The following PPP6R3 variants were observed in gnomAD, a reference collection of about 807,000 sequenced individuals.
PPP6R3 encodes the protein serine/threonine-protein phosphatase 6 regulatory subunit 3.
A neutral mutation model predicts 110.7 loss-of-function variants in PPP6R3; 38 were observed. That is an observed-to-expected ratio of 0.34 (90% CI 0.26 to 0.45). The LOEUF (loss-of-function observed/expected upper bound fraction) is 0.45. PPP6R3 is among the 20% of genes least tolerant of loss of function. The pLI, the probability that PPP6R3 is intolerant of heterozygous loss-of-function variation, is 1.00. For missense variants in PPP6R3, 870 were observed against 1,062.4 expected (o/e 0.82, Z 2.52); for synonymous variants, 369 against 373.5 (o/e 0.99, Z 0.14).
chr11:68,561,216 A>G (rs1447838386), intron 8 of PPP6R3, among the ~76,000 whole-genome samples: 1 of 152,152 alleles, frequency 6.6e-6, no homozygotes, highest in Non-Finnish European at 1.5e-5. Flanking sequence ...TAAATGATAT[A>G]TGTTAAGCTG....
chr11:68,518,981 T>C (rs2099150618), intron 1 of PPP6R3, among the ~76,000 whole-genome samples: 1 of 152,224 alleles, frequency 6.6e-6, no homozygotes, highest in Non-Finnish European at 1.5e-5. Flanking sequence ...TTCTATTCTT[T>C]TCATGTGCAG....
intron 1 of PPP6R3, among the ~76,000 whole-genome samples, chr11:68,509,655 A>C (rs1428324113): frequency 6.6e-6 from 1 of 151,486 alleles, no homozygotes; most frequent in Non-Finnish European, 1.5e-5. Flanking sequence ...CCTATCACCC[A>C]GGTTGGAGTG....
In PPP6R3 at chr11:68,477,739, AAAATATATAT is replaced by A. The variant is rs1201528997; in HGVS notation, c.-158+16914_-158+16923del. 5.7e-4 allele frequency among the ~76,000 whole-genome samples: 46 copies of A among 80,400 alleles called. 1 individual carries two copies. Among genetic ancestry groups the A allele is most frequent in the South Asian group, 1.7e-3 (4 of 2,338 alleles). The allele number at this position is 80,400 out of a possible 152,430, so 52.7% of individuals were successfully genotyped here. On this transcript the variant is annotated intron_variant, in intron 1 of 23. Transcript: ENST00000393800. ...GAGACATTGTCTCTTAAAAAAAAAA[AAAATATATAT>A]ATATATATATATATATATATATAAT... is the stretch of plus-strand genomic sequence containing the variant.
intron 1 of PPP6R3, among the ~76,000 whole-genome samples, chr11:68,499,986 C>CT (rs1279415391): frequency 2.0e-5 from 3 of 152,062 alleles, no homozygotes; most frequent in Non-Finnish European, 1.5e-5. Flanking sequence ...CTCATTCTGT[C>CT]TTTTGAGGTG....
chr11:68,576,183 A>G, intron 14 of PPP6R3, 140 bp downstream of exon 14: 1 of 607,766 alleles, frequency 1.6e-6, no homozygotes, highest in Non-Finnish European at 2.8e-6. Context: ...CCAGGGAGAG[A>G]GGTCAGTATT....
intron 1 of PPP6R3, among the ~76,000 whole-genome samples, chr11:68,489,506 C>A (rs118049336): frequency 0.01 from 1,540 of 151,018 alleles, 10 homozygotes; most frequent in African/African-American, 0.012. Flanking sequence ...TATTATACCT[C>A]GTTTTATTGT....
chr11:68,545,936 G>T (rs576991017), intron 4 of PPP6R3, among the ~76,000 whole-genome samples: 8 of 152,320 alleles, frequency 5.3e-5, no homozygotes, highest in African/African-American at 1.2e-4. Context: ...GATGATACGG[G>T]GCAAAAGTGG....
intron 1 of PPP6R3, among the ~76,000 whole-genome samples, chr11:68,477,737 AAAAAATATATAT>A (rs1176169433): frequency 7.7e-5 from 5 of 64,556 alleles, no homozygotes; most frequent in African/African-American, 2.4e-4. Flanking sequence ...TTAAAAAAAA[AAAAAATATATAT>A]ATATATATAT....
chr11:68,557,507 CTTTTTCTTTTTTTTCTTTTTTCTTTTT>C (rs958305900), intron 7 of PPP6R3, among the ~76,000 whole-genome samples: 1 of 149,622 alleles, frequency 6.7e-6, no homozygotes, highest in Non-Finnish European at 1.5e-5. Flanking sequence ...TTTTTCTTTT[CTTTTTCTTTTTTTTCTTTTTTCTTTTT>C]TTGAGGTGGA....
Position 68,572,140 on chromosome 11 carries a change from C to G in PPP6R3, c.1343+1036C>G, listed in dbSNP as rs189591837. ...AGTATTGGTAGACCTCAGATACATT[C>G]TTCCAAATGGAGCTCTTTGGAGATG... On this transcript the variant is annotated intron_variant, in intron 12 of 23. Coordinates refer to ENST00000393800, the MANE Select transcript of PPP6R3 (RefSeq NM_001164161.2). 9.2e-5 allele frequency among the ~76,000 whole-genome samples: 14 copies of G among 152,224 alleles called. No homozygotes were observed. In the East Asian group the frequency reaches 1.5e-3, roughly 17 times the overall value.
chr11:68,561,089 C>T (rs545652258), intron 8 of PPP6R3, among the ~76,000 whole-genome samples: 4 of 152,030 alleles, frequency 2.6e-5, no homozygotes, highest in East Asian at 1.9e-4. Flanking sequence ...TTAGTAGAGA[C>T]GGGGTTTCAC....
chr11:68,544,468 G>A (rs540351161), intron 3 of PPP6R3, among the ~76,000 whole-genome samples: 2 of 152,320 alleles, frequency 1.3e-5, no homozygotes, highest in Admixed American at 1.3e-4. Context: ...CGCAAGCTTT[G>A]CTGCTTCCCA....
chr11:68,563,935 C>A (rs2099442366), intron 8 of PPP6R3, among the ~76,000 whole-genome samples: 1 of 151,972 alleles, frequency 6.6e-6, no homozygotes, highest in Non-Finnish European at 1.5e-5. Context: ...TTAATAACAC[C>A]CCAAACTGGC....
intron 12 of PPP6R3, among the ~76,000 whole-genome samples, chr11:68,571,736 G>A (rs1402720478): frequency 6.6e-6 from 1 of 152,152 alleles, no homozygotes; most frequent in African/African-American, 2.4e-5. Flanking sequence ...GGGCGTGTTT[G>A]GGAAACACTC....
At chr11:68,548,347 A>G (rs2099357391) in intron 5 of PPP6R3, 143 bp downstream of exon 5, 4 of 1,119,084 alleles carry the variant, frequency 3.6e-6, no homozygotes, top group Non-Finnish European at 3.7e-6. Context: ...AGGGTGGGGA[A>G]GAAAGGTTGT....
intron 1 of PPP6R3, among the ~76,000 whole-genome samples, chr11:68,473,688 G>T (rs543911104): frequency 6.6e-6 from 1 of 152,188 alleles, no homozygotes; most frequent in Admixed American, 6.5e-5. Flanking sequence ...GAATTGAATT[G>T]GAGGACACCC....
At chr11:68,474,324 G>T (rs562020148) in intron 1 of PPP6R3, among the ~76,000 whole-genome samples, 1 of 152,140 alleles carries the variant, frequency 6.6e-6, no homozygotes, top group Admixed American at 6.5e-5. Context: ...GGGATTACAG[G>T]CATGTGCCAC....
At chr11:68,538,329 G>A (rs962510848) in intron 3 of PPP6R3, among the ~76,000 whole-genome samples, 1 of 152,110 alleles carries the variant, frequency 6.6e-6, no homozygotes, top group Non-Finnish European at 1.5e-5. Flanking sequence ...GGTACCATGG[G>A]TAACTACAGT....
intron 9 of PPP6R3, 130 bp from the exon 10 acceptor site, chr11:68,566,884 A>T: frequency 1.5e-6 from 1 of 666,330 alleles, no homozygotes; most frequent in Non-Finnish European, 2.4e-6. Flanking sequence ...GAGCAGCTTT[A>T]GATGTTGTTT....
Sources: gnomAD v4.1 joint callset for allele counts (sites outside exome capture counted in the v4.1 genomes callset) on GRCh38, gnomAD v4.1.1 for gene constraint, MANE v1.5 for transcripts, NCBI Gene and HGNC (gene_info 2026-07-23, HGNC 2026-07-21) for gene names.